RBFOX1: variants seen among roughly 807,000 people sequenced by gnomAD.
RBFOX1 encodes RNA binding fox-1 homolog 1.
RBFOX1 carries 8 observed loss-of-function variants against 57.7 expected under a neutral mutation model. That is an observed-to-expected ratio of 0.14 (90% confidence interval 0.08 to 0.25). The LOEUF is 0.25. Ranked by LOEUF, RBFOX1 falls within the 10% of genes least tolerant of loss-of-function variation. RBFOX1 has a pLI of 1.00. For synonymous variants in RBFOX1, 326 were observed against 222.4 expected, an observed-to-expected ratio of 1.47 and a Z score of -4.15; for missense variants, 611 against 548.5, an observed-to-expected ratio of 1.11 and a Z score of -1.14.
At chr16:7,256,126 C>G (rs1374406051) in intron 4 of RBFOX1, among the ~76,000 whole-genome samples, 1 of 152,180 alleles carries the variant, frequency 6.6e-6, no homozygotes, top group African/African-American at 2.4e-5. Context: ...CTAAAATGCA[C>G]TGTTAAAAAT....
intron 1 of RBFOX1, among the ~76,000 whole-genome samples, chr16:6,216,337 C>G (rs2152866252): frequency 6.6e-6 from 1 of 152,222 alleles, no homozygotes. Context: ...GAGGTGATTT[C>G]TTTTATTAGG....
intron 2 of RBFOX1, among the ~76,000 whole-genome samples, chr16:6,495,016 T>C (rs980673076): frequency 6.6e-6 from 1 of 152,214 alleles, no homozygotes; most frequent in Non-Finnish European, 1.5e-5. Context: ...GTTAAGTAAC[T>C]TGCCCAAGAT....
chr16:7,317,890 A>T (rs72769274), intron 4 of RBFOX1, among the ~76,000 whole-genome samples: 3 of 152,314 alleles, frequency 2.0e-5, no homozygotes, highest in African/African-American at 7.2e-5. Context: ...GCTAGTTTGT[A>T]TACTACCCCA....
intron 3 of RBFOX1, among the ~76,000 whole-genome samples, chr16:6,867,006 AGCTGTTCTTT>A (rs764166093): frequency 0.14 from 15,164 of 106,286 alleles, 869 homozygotes; most frequent in African/African-American, 0.25. Context: ...AGTCTGTGTT[AGCTGTTCTTT>A]AAAAAAAAAA....
chr16:6,881,636 A>T (rs927807199), intron 3 of RBFOX1, among the ~76,000 whole-genome samples: 26 of 152,128 alleles, frequency 1.7e-4, no homozygotes, highest in Admixed American at 1.1e-3. Context: ...TCCCTCTGCA[A>T]ATATTCCATC....
At chr16:7,705,690 G>T (rs542725534) in intron 14 of RBFOX1, among the ~76,000 whole-genome samples, 4 of 152,150 alleles carry the variant, frequency 2.6e-5, no homozygotes, top group African/African-American at 9.7e-5. Context: ...TAAGTGGAGA[G>T]ATGGACAGAC....
intron 3 of RBFOX1, among the ~76,000 whole-genome samples, chr16:5,824,848 G>A (rs1753566322): frequency 1.3e-5 from 2 of 152,130 alleles, no homozygotes; most frequent in Non-Finnish European, 1.5e-5. Context: ...CCTGGTTCCC[G>A]AGGTGGGCTA....
chr16:5,897,963 T>C lies in RBFOX1; in HGVS notation c.351+30628T>C, dbSNP rs191532227. Among the ~76,000 whole-genome samples the C allele has an allele frequency of 6.1e-3, 933 of 152,216 alleles. 11 individuals carry two copies. The highest frequency in any genetic ancestry group is 0.022 in the African/African-American group (897 of 41,520). Reference sequence around the variant, plus strand: ...TAGGTAATGACTTCTGGGTATGTATTGGTTTGCTCTCAGGCTGCTAATAAA... The same window carrying C: ...TAGGTAATGACTTCTGGGTATGTATCGGTTTGCTCTCAGGCTGCTAATAAA... On this transcript the variant is annotated intron_variant, in intron 4 of 19. Transcript: ENST00000641259.
chr16:7,010,473 C>T (rs906510173), intron 3 of RBFOX1, among the ~76,000 whole-genome samples: 5 of 152,016 alleles, frequency 3.3e-5, no homozygotes, highest in African/African-American at 1.2e-4. Context: ...GGGGCTAGAT[C>T]TCTGGTGGCC....
At chr16:6,553,499 A>G (rs953884037) in intron 2 of RBFOX1, among the ~76,000 whole-genome samples, 8 of 152,180 alleles carry the variant, frequency 5.3e-5, no homozygotes, top group Admixed American at 1.3e-4. Flanking sequence ...ACCTACACCA[A>G]TCCACACAAG....
At chr16:6,852,335 C>T (rs927951026) in intron 3 of RBFOX1, among the ~76,000 whole-genome samples, 1 of 152,024 alleles carries the variant, frequency 6.6e-6, no homozygotes, top group Admixed American at 6.5e-5. Context: ...GCGTGTAGGG[C>T]CCTCTGGATA....
At chr16:6,822,015 A>G (rs1479821126) in intron 3 of RBFOX1, among the ~76,000 whole-genome samples, 1 of 152,134 alleles carries the variant, frequency 6.6e-6, no homozygotes, top group Non-Finnish European at 1.5e-5. Flanking sequence ...ACATGACCAA[A>G]TAGGGAGCAT....
At chr16:6,287,434 T>C (rs1371974098) in intron 1 of RBFOX1, among the ~76,000 whole-genome samples, 2 of 152,168 alleles carry the variant, frequency 1.3e-5, no homozygotes, top group East Asian at 1.9e-4. Flanking sequence ...AATTAGCCAA[T>C]GGATGTGTTT....
chr16:6,488,945 A>G (rs1598064763), intron 2 of RBFOX1, among the ~76,000 whole-genome samples: 1 of 152,172 alleles, frequency 6.6e-6, no homozygotes, highest in Admixed American at 6.5e-5. Flanking sequence ...TACTTCAATT[A>G]TTAAACATTT....
chr16:6,995,438 C>G (rs1429585671), intron 3 of RBFOX1, among the ~76,000 whole-genome samples: 1 of 151,850 alleles, frequency 6.6e-6, no homozygotes, highest in African/African-American at 2.4e-5. Context: ...TTAAAATTCC[C>G]AAGCAAATAA....
intron 4 of RBFOX1, among the ~76,000 whole-genome samples, chr16:7,141,844 T>A (rs115686788): frequency 6.6e-6 from 1 of 152,178 alleles, no homozygotes. Context: ...ACCATGCTAC[T>A]GCTCTTGTTT....
At chr16:6,339,268 C>T (rs767787268) in intron 2 of RBFOX1, among the ~76,000 whole-genome samples, 34 of 152,150 alleles carry the variant, frequency 2.2e-4, no homozygotes, top group Non-Finnish European at 4.4e-5. Context: ...CAGGGAAATG[C>T]CAAGCAACCC....
intron 4 of RBFOX1, among the ~76,000 whole-genome samples, chr16:7,208,233 C>T (rs535379008): frequency 1.8e-3 from 281 of 152,300 alleles, no homozygotes; most frequent in African/African-American, 6.6e-3. Context: ...ATTGTCCCTC[C>T]ACCAATTCAT....
chr16:7,319,951 G>A (rs1313253733), intron 4 of RBFOX1, among the ~76,000 whole-genome samples: 2 of 152,186 alleles, frequency 1.3e-5, no homozygotes, highest in African/African-American at 4.8e-5. Context: ...GGCACATAGT[G>A]AGACCTAGGA....
Sources: allele counts gnomAD v4.1 joint callset (sites outside exome capture counted in the v4.1 genomes callset), GRCh38; gene constraint gnomAD v4.1.1; transcripts MANE v1.5; gene names NCBI Gene and HGNC (gene_info 2026-07-23, HGNC 2026-07-21).